The following CAST variants were observed in gnomAD, a reference collection of about 807,000 sequenced individuals.
CAST encodes the protein MIR583 host.
CAST carries 76 observed loss-of-function variants against 119.6 expected under a neutral mutation model. The observed-to-expected ratio is 0.64, with a 90% CI of 0.53 to 0.77. CAST has a LOEUF of 0.77. Among genes scored for constraint, CAST ranks in the 30% least tolerant of loss-of-function variants. The pLI is 0.00. For missense variants in CAST, 953 were observed against 946.5 expected (o/e 1.01, Z -0.09); for synonymous variants, 319 against 331.6 (o/e 0.96, Z 0.41).
At chr5:96,259,067 A>G in the CAST span, among the ~76,000 whole-genome samples, 1 of 152,210 alleles carries the variant, frequency 6.6e-6, no homozygotes. Context: ...TGTATGAGTA[A>G]AAACAGAGGA....
chr5:96,089,066 CTTTTTTTT>C, the CAST span, among the ~76,000 whole-genome samples: 3 of 117,718 alleles, frequency 2.5e-5, no homozygotes, highest in African/African-American at 6.2e-5. Flanking sequence ...CTCCAAAAAT[CTTTTTTTT>C]TTTTTTTTTT....
chr5:96,716,509 G>A (rs1166502347), intron 3 of CAST, among the ~76,000 whole-genome samples: 3 of 152,220 alleles, frequency 2.0e-5, no homozygotes, highest in Non-Finnish European at 4.4e-5. Flanking sequence ...CAACTACTAT[G>A]TTAAGGCTCC....
chr5:96,743,765 G>A (rs755787044), intron 16 of CAST: 1 of 1,466,412 alleles, frequency 6.8e-7, no homozygotes, highest in South Asian at 1.2e-5. Flanking sequence ...TTGGGAAGAA[G>A]GGAAACTTGA....
At chr5:96,536,035 T>G (rs1012106521) in intron 1 of CAST, among the ~76,000 whole-genome samples, 3 of 60,600 alleles carry the variant, frequency 5.0e-5, no homozygotes, top group Non-Finnish European at 1.3e-4. Flanking sequence ...TTTAAGGTTT[T>G]TTTTTTTTTT....
chr5:96,351,033 G>A, the CAST span, among the ~76,000 whole-genome samples: 2 of 152,220 alleles, frequency 1.3e-5, no homozygotes, highest in South Asian at 4.1e-4. Flanking sequence ...TACAAAATGT[G>A]AAACCATTAG....
rs148484736 is a variant in CAST at position 96,582,022 on chromosome 5, T to C, written c.60+52142T>C. The stretch of plus-strand genomic sequence containing the variant: ...TGCCTCCCAAGGGTGGGATGAGGAA[T>C]TAGTAAACTCTTTGCAATAGAATGT... On this transcript the variant is annotated intron_variant, in intron 1 of 11. Transcript: ENST00000505143. Among the ~76,000 whole-genome samples, 861 of 152,322 alleles carry C rather than the reference T, an allele frequency of 5.7e-3. 13 individuals carry two copies. The highest frequency in any genetic ancestry group is 0.02 in the African/African-American group (818 of 41,570).
chr5:96,471,453 T>C, the CAST span, among the ~76,000 whole-genome samples: 1 of 152,176 alleles, frequency 6.6e-6, no homozygotes, highest in East Asian at 1.9e-4. Context: ...TTGCATAACA[T>C]GAATTGAGAT....
chr5:96,521,504 G>A (rs1424361228), upstream of CAST, among the ~76,000 whole-genome samples: 1 of 152,020 alleles, frequency 6.6e-6, no homozygotes, highest in African/African-American at 2.4e-5. Flanking sequence ...CTTCTATTTT[G>A]TTCATGACCA....
At chr5:96,674,851 C>T (rs912195061) in intron 1 of CAST, among the ~76,000 whole-genome samples, 3 of 152,010 alleles carry the variant, frequency 2.0e-5, no homozygotes, top group Non-Finnish European at 4.4e-5. Flanking sequence ...ATGTTTGAGG[C>T]GACAGATTTA....
chr5:96,282,624 C>T, the CAST span, among the ~76,000 whole-genome samples: 1 of 152,084 alleles, frequency 6.6e-6, no homozygotes, highest in Admixed American at 6.6e-5. Context: ...TTCATAAACA[C>T]CATAATTTTA....
the CAST span, among the ~76,000 whole-genome samples, chr5:96,495,629 G>A: frequency 2.6e-5 from 4 of 152,144 alleles, no homozygotes; most frequent in Admixed American, 1.3e-4. Context: ...AGTATTCCAT[G>A]GTGCATATGT....
chr5:96,236,577 G>A, the CAST span, among the ~76,000 whole-genome samples: 1 of 152,182 alleles, frequency 6.6e-6, no homozygotes, highest in East Asian at 1.9e-4. Flanking sequence ...TAAGGAGTAA[G>A]GAATGAATGA....
the CAST span, among the ~76,000 whole-genome samples, chr5:96,239,619 T>C: frequency 2.6e-5 from 4 of 152,114 alleles, no homozygotes; most frequent in Non-Finnish European, 5.9e-5. Flanking sequence ...CTTTTTGTCC[T>C]AACGTCTTTC....
intron 25 of CAST, among the ~76,000 whole-genome samples, chr5:96,764,187 A>G (rs139158768): frequency 6.6e-6 from 1 of 152,334 alleles, no homozygotes; most frequent in African/African-American, 2.4e-5. Flanking sequence ...GGATTTTGCT[A>G]TAATAATACT....
the CAST span, among the ~76,000 whole-genome samples, chr5:96,192,057 G>T: frequency 1.7e-4 from 26 of 152,256 alleles, 2 homozygotes; most frequent in African/African-American, 6.3e-4. Context: ...GTCTAATAAG[G>T]CTGGAGGGCC....
the CAST span, among the ~76,000 whole-genome samples, chr5:96,319,746 G>A: frequency 3.9e-5 from 6 of 152,096 alleles, no homozygotes; most frequent in East Asian, 9.9e-4. Context: ...GATAGAAAAC[G>A]GAATCACTAT....
the CAST span, among the ~76,000 whole-genome samples, chr5:96,462,152 A>G: frequency 2.0e-5 from 3 of 152,178 alleles, no homozygotes; most frequent in Admixed American, 6.5e-5. Flanking sequence ...TGCTTACCAT[A>G]GTCTTCATTT....
the CAST span, among the ~76,000 whole-genome samples, chr5:96,136,283 A>C: frequency 3.3e-5 from 5 of 152,164 alleles, no homozygotes; most frequent in Non-Finnish European, 5.9e-5. Flanking sequence ...CCCACTTATT[A>C]ACTAGAAGAA....
intron 1 of CAST, among the ~76,000 whole-genome samples, chr5:96,558,049 A>T (rs1037824835): frequency 4.6e-4 from 70 of 152,188 alleles, no homozygotes; most frequent in African/African-American, 1.6e-3. Flanking sequence ...GGATTCAGAA[A>T]CTCACTCAAA....
Sources: allele counts gnomAD v4.1 joint callset (sites outside exome capture counted in the v4.1 genomes callset), GRCh38; gene constraint gnomAD v4.1.1; transcripts MANE v1.5; gene names NCBI Gene and HGNC (gene_info 2026-07-23, HGNC 2026-07-21).